The following ANKS1B variants were observed in gnomAD, a reference collection of about 807,000 sequenced individuals.
ANKS1B encodes the protein ankyrin repeat and sterile alpha motif domain-containing protein 1B.
Under a neutral mutation model 148.3 loss-of-function variants are expected in ANKS1B, and 36 were observed. That is an observed-to-expected ratio of 0.24 (90% CI 0.19 to 0.32). ANKS1B has a LOEUF of 0.32. ANKS1B is among the 10% of genes least tolerant of loss of function. ANKS1B has a pLI of 1.00. For synonymous variants in ANKS1B, 542 were observed against 560.8 expected (o/e 0.97, Z 0.47); for missense variants, 1,157 against 1,542.6 (o/e 0.75, Z 4.19).
At chr12:99,976,517 T>C (rs756674960) in intron 1 of ANKS1B, among the ~76,000 whole-genome samples, 4 of 152,020 alleles carry the variant, frequency 2.6e-5, no homozygotes, top group Non-Finnish European at 4.4e-5. Flanking sequence ...GGAAAGGAGG[T>C]TGGCTGTTTA....
intron 8 of ANKS1B, among the ~76,000 whole-genome samples, chr12:99,772,114 A>G (rs746524960): frequency 1.3e-5 from 2 of 152,110 alleles, no homozygotes; most frequent in Non-Finnish European, 2.9e-5. Flanking sequence ...GACAAAAAGT[A>G]GGTTTAAATA....
intron 8 of ANKS1B, among the ~76,000 whole-genome samples, chr12:99,770,134 A>G (rs1239750616): frequency 6.6e-6 from 1 of 152,242 alleles, no homozygotes; most frequent in Admixed American, 6.5e-5. Context: ...GCCACTTGGC[A>G]GCTAAGTCAT....
chr12:98,833,372 A>G (rs893838704), intron 17 of ANKS1B, among the ~76,000 whole-genome samples: 1 of 152,186 alleles, frequency 6.6e-6, no homozygotes, highest in Non-Finnish European at 1.5e-5. Context: ...AAATGTTACC[A>G]GCTTCTTAAA....
At chr12:99,373,221 G>T (rs1321997072) in intron 12 of ANKS1B, among the ~76,000 whole-genome samples, 1 of 152,072 alleles carries the variant, frequency 6.6e-6, no homozygotes. Context: ...CCAAGGAAAG[G>T]GCAGGAATAG....
At position 99,547,705 on chromosome 12, in the gene ANKS1B, T is replaced by A. The variant is rs75846392; in HGVS notation, c.1273-43064A>T. Among the ~76,000 whole-genome samples, 70 of 152,318 alleles carry A rather than the reference T, an allele frequency of 4.6e-4. 1 individual carries two copies. In the East Asian group the frequency reaches 0.013, roughly 28 times the overall value. On this transcript the variant is annotated intron_variant, in intron 9 of 26. Coordinates refer to ENST00000683438, the MANE Select transcript of ANKS1B (RefSeq NM_001352186.2). ...ATGTAACATTTCAGTCTTAAATGTT[T>A]TCTGAATTGAACCGAGCATTATTCA...
At chr12:99,227,910 ATTAATATAT>A (rs1407590054) in intron 14 of ANKS1B, among the ~76,000 whole-genome samples, 4 of 151,882 alleles carry the variant, frequency 2.6e-5, no homozygotes, top group African/African-American at 2.4e-5. Context: ...TATTTGTTAT[ATTAATATAT>A]TTAATATATT....
intron 17 of ANKS1B, among the ~76,000 whole-genome samples, chr12:98,911,081 G>T (rs573381652): frequency 2.0e-4 from 30 of 149,044 alleles, no homozygotes; most frequent in African/African-American, 6.8e-4. Flanking sequence ...CCACCATCTG[G>T]AGATAAAAAT....
chr12:99,457,547 A>C (rs1362300301), intron 10 of ANKS1B, among the ~76,000 whole-genome samples: 4 of 152,156 alleles, frequency 2.6e-5, no homozygotes, highest in African/African-American at 9.7e-5. Context: ...CCAACACATA[A>C]GGACTCACAT....
intron 4 of ANKS1B, among the ~76,000 whole-genome samples, chr12:99,804,392 A>C (rs577351986): frequency 1.3e-5 from 2 of 152,278 alleles, no homozygotes; most frequent in South Asian, 4.1e-4. Context: ...AAAAATTCTT[A>C]TGCTTTTTTG....
chr12:98,906,527 T>C (rs986746232), intron 17 of ANKS1B, among the ~76,000 whole-genome samples: 13 of 152,170 alleles, frequency 8.5e-5, no homozygotes, highest in African/African-American at 2.9e-4. Context: ...GGAGTCCGTG[T>C]CTCTGCCTTG....
At chr12:99,213,276 G>T (rs1049616447) in intron 14 of ANKS1B, among the ~76,000 whole-genome samples, 4 of 152,196 alleles carry the variant, frequency 2.6e-5, no homozygotes, top group Admixed American at 2.6e-4. Flanking sequence ...TGGAAGCCTG[G>T]CAGCGGGTCA....
intron 2 of ANKS1B, among the ~76,000 whole-genome samples, chr12:99,824,180 C>G (rs766842945): frequency 6.6e-6 from 1 of 152,056 alleles, no homozygotes; most frequent in Non-Finnish European, 1.5e-5. Flanking sequence ...TAGATTGTAA[C>G]TAGCACTTTT....
intron 25 of ANKS1B, among the ~76,000 whole-genome samples, chr12:98,761,890 G>A (rs1229357964): frequency 2.6e-5 from 4 of 152,180 alleles, no homozygotes; most frequent in Non-Finnish European, 5.9e-5. Flanking sequence ...CTTTCTGAGT[G>A]GACCATTTTG....
At chr12:99,824,503 A>G (rs2082921172) in intron 2 of ANKS1B, among the ~76,000 whole-genome samples, 1 of 152,032 alleles carries the variant, frequency 6.6e-6, no homozygotes, top group South Asian at 2.1e-4. Flanking sequence ...CTGTCTCAAA[A>G]AAAAAAAAAA....
At chr12:99,060,450 G>A (rs1390990280) in intron 16 of ANKS1B, among the ~76,000 whole-genome samples, 2 of 151,916 alleles carry the variant, frequency 1.3e-5, no homozygotes, top group Non-Finnish European at 2.9e-5. Flanking sequence ...TATTTTATGC[G>A]TTTTATACAA....
At chr12:99,694,555 T>C (rs1214209817) in intron 8 of ANKS1B, among the ~76,000 whole-genome samples, 1 of 152,022 alleles carries the variant, frequency 6.6e-6, no homozygotes, top group Non-Finnish European at 1.5e-5. Flanking sequence ...CATGATACTG[T>C]AAAAGATAAA....
At chr12:99,366,399 G>C (rs919507566) in intron 12 of ANKS1B, among the ~76,000 whole-genome samples, 2 of 151,982 alleles carry the variant, frequency 1.3e-5, no homozygotes, top group Non-Finnish European at 1.5e-5. Flanking sequence ...CCCCAGTATG[G>C]CTCCTCTATT....
intron 12 of ANKS1B, among the ~76,000 whole-genome samples, chr12:99,277,563 T>C (rs2077839613): frequency 6.6e-6 from 1 of 152,178 alleles, no homozygotes; most frequent in Non-Finnish European, 1.5e-5. Context: ...GAACCAAAGA[T>C]GCACTTGTGG....
intron 1 of ANKS1B, among the ~76,000 whole-genome samples, chr12:99,864,377 C>T (rs1013604519): frequency 6.6e-6 from 1 of 152,034 alleles, no homozygotes; most frequent in Non-Finnish European, 1.5e-5. Flanking sequence ...ATGATCTCAC[C>T]TCAATCTCAC....
Sources: allele counts gnomAD v4.1 joint callset (sites outside exome capture counted in the v4.1 genomes callset), GRCh38; gene constraint gnomAD v4.1.1; transcripts MANE v1.5; gene names NCBI Gene and HGNC (gene_info 2026-07-23, HGNC 2026-07-21).